The following ACMSD variants were observed in gnomAD, a reference collection of about 807,000 sequenced individuals.
ACMSD encodes the protein 2-amino-3-carboxymuconate-6-semialdehyde decarboxylase.
ACMSD carries 37 observed loss-of-function variants against 45.9 expected under a neutral mutation model. That is an observed-to-expected ratio of 0.81 (90% CI 0.62 to 1.06). The LOEUF is 1.06. Ranked by LOEUF, ACMSD falls within the 50% of genes least tolerant of loss-of-function variation. The pLI, the probability that ACMSD is intolerant of heterozygous loss-of-function variation, is 0.00. For missense variants in ACMSD, 434 were observed against 420.9 expected (o/e 1.03, Z -0.27); for synonymous variants, 138 against 148.8 (o/e 0.93, Z 0.53).
intron 5 of ACMSD, among the ~76,000 whole-genome samples, chr2:134,864,268 C>CA (rs370221460): frequency 0.25 from 29,292 of 117,684 alleles, 3,565 homozygotes; most frequent in Middle Eastern, 0.63. Flanking sequence ...GACTCCATCT[C>CA]AAAAAAAAAA....
chr2:134,842,183 A>G (rs1686835516), intron 1 of ACMSD, among the ~76,000 whole-genome samples: 1 of 152,138 alleles, frequency 6.6e-6, no homozygotes, highest in African/African-American at 2.4e-5. Flanking sequence ...ATATGCTCAG[A>G]CCAAAACCAC....
intron 2 of ACMSD, among the ~76,000 whole-genome samples, chr2:134,854,268 C>T (rs763862644): frequency 2.0e-5 from 3 of 152,180 alleles, no homozygotes; most frequent in Non-Finnish European, 4.4e-5. Flanking sequence ...ATGATTGAAT[C>T]TTCTTTATCA....
At chr2:134,845,888 C>T (rs553896727) in intron 2 of ACMSD, among the ~76,000 whole-genome samples, 55 of 152,242 alleles carry the variant, frequency 3.6e-4, no homozygotes, top group African/African-American at 1.3e-3. Flanking sequence ...ATGTCCTCTC[C>T]GAGTTCAGAG....
chr2:134,868,248 C>T (rs1461103191), intron 6 of ACMSD, among the ~76,000 whole-genome samples: 1 of 152,086 alleles, frequency 6.6e-6, no homozygotes, highest in African/African-American at 2.4e-5. Context: ...TCTCTTCTGC[C>T]CTTTGCCTCC....
intron 2 of ACMSD, among the ~76,000 whole-genome samples, chr2:134,847,397 CAGATAGATAGATAGATAGAT>C (rs1213803670): frequency 4.9e-5 from 4 of 81,460 alleles, no homozygotes; most frequent in Admixed American, 1.3e-4. Context: ...TTTGGGGATA[CAGATAGATAGATAGATAGAT>C]AGATAGATAG....
intron 1 of ACMSD, among the ~76,000 whole-genome samples, chr2:134,840,073 T>C (rs997272722): frequency 3.4e-5 from 5 of 146,604 alleles, no homozygotes; most frequent in African/African-American, 1.3e-4. Context: ...ATACAGGTAA[T>C]GGAAGCAATA....
intron 8 of ACMSD, among the ~76,000 whole-genome samples, chr2:134,896,779 T>G (rs1001308118): frequency 6.6e-6 from 1 of 152,174 alleles, no homozygotes; most frequent in Admixed American, 6.5e-5. Flanking sequence ...GCGCCAGCAC[T>G]TCCACTCTTA....
rs188943514 is a variant in ACMSD, at chr2:134,897,012, T to C, written c.850-1329T>C. 2.0e-3 allele frequency among the ~76,000 whole-genome samples: 294 copies of C among 146,454 alleles called. 2 individuals carry two copies. Among genetic ancestry groups the C allele is most frequent in the African/African-American group, 7.1e-3 (287 of 40,416 alleles). On this transcript the variant is annotated intron_variant, in intron 8 of 9. Transcript: ENST00000356140. ...TTATTTTGGAGGTGACAAAAATCTGTGGTTATATAAGATGAAAAAAATTTT... is the reference window on the plus strand; with the variant it reads ...TTATTTTGGAGGTGACAAAAATCTGCGGTTATATAAGATGAAAAAAATTTT...
intron 4 of ACMSD, chr2:134,862,890 T>G: frequency 1.1e-6 from 1 of 871,722 alleles, no homozygotes; most frequent in South Asian, 5.3e-5. Context: ...CTCAGCATTT[T>G]GCCAAGGACA....
chr2:134,840,270 C>T (rs1233005726), intron 1 of ACMSD, among the ~76,000 whole-genome samples: 1 of 147,624 alleles, frequency 6.8e-6, no homozygotes, highest in Admixed American at 7.0e-5. Flanking sequence ...TTGGAAACCA[C>T]CACGGTGGTC....
intron 2 of ACMSD, among the ~76,000 whole-genome samples, chr2:134,855,921 C>G (rs1687558958): frequency 6.6e-6 from 1 of 152,090 alleles, no homozygotes; most frequent in African/African-American, 2.4e-5. Context: ...AGGACTCCAC[C>G]AAGCAGAGCT....
chr2:134,856,382 G>A (rs957274827), intron 2 of ACMSD, among the ~76,000 whole-genome samples: 1 of 152,164 alleles, frequency 6.6e-6, no homozygotes, highest in Non-Finnish European at 1.5e-5. Flanking sequence ...CCACTGCCAT[G>A]TTCTGCACAA....
At chr2:134,852,683 C>T (rs1022051563) in intron 2 of ACMSD, among the ~76,000 whole-genome samples, 2 of 152,048 alleles carry the variant, frequency 1.3e-5, no homozygotes, top group African/African-American at 2.4e-5. Context: ...CCTTCAGAAC[C>T]TGGGAATGTG....
chr2:134,865,829 G>A (rs1243645676), intron 5 of ACMSD, among the ~76,000 whole-genome samples: 1 of 152,108 alleles, frequency 6.6e-6, no homozygotes, highest in East Asian at 1.9e-4. Flanking sequence ...TTGGTATAAG[G>A]CAGACTGAAT....
intron 8 of ACMSD, among the ~76,000 whole-genome samples, chr2:134,891,218 G>A (rs1689764739): frequency 6.6e-6 from 1 of 152,086 alleles, no homozygotes; most frequent in South Asian, 2.1e-4. Context: ...CTAGACCAAC[G>A]CCCAGGAGAG....
chr2:134,869,249 G>A (rs1402001979), intron 6 of ACMSD, among the ~76,000 whole-genome samples: 1 of 152,000 alleles, frequency 6.6e-6, no homozygotes, highest in Non-Finnish European at 1.5e-5. Flanking sequence ...GTCTCACTCT[G>A]TTGCCCAGGC....
In ACMSD at chr2:134,838,953, G is replaced by A. The variant is rs1025158229; in HGVS notation, c.57+214G>A. Among the ~76,000 whole-genome samples, 6 of 152,230 alleles carry A rather than the reference G, an allele frequency of 3.9e-5. 1 individual carries two copies. In the East Asian group the frequency reaches 5.8e-4, roughly 15 times the overall value. Reference sequence around the variant, plus strand: ...GATTAAAGAAATAAGTGCTTTCTCAGAAACCCTTTTTTCCCTCAAATGAAC... The same window carrying A: ...GATTAAAGAAATAAGTGCTTTCTCAAAAACCCTTTTTTCCCTCAAATGAAC... On this transcript the variant is annotated intron_variant, in intron 1 of 9. Coordinates refer to ENST00000356140, the MANE Select transcript of ACMSD (RefSeq NM_138326.3).
At chr2:134,890,604 T>A (rs1188727435) in intron 8 of ACMSD, among the ~76,000 whole-genome samples, 1 of 152,092 alleles carries the variant, frequency 6.6e-6, no homozygotes, top group Non-Finnish European at 1.5e-5. Context: ...TTGAGAAGTA[T>A]ACTGTGGTCA....
intron 8 of ACMSD, among the ~76,000 whole-genome samples, chr2:134,875,505 G>C (rs1024816126): frequency 6.6e-6 from 1 of 152,052 alleles, no homozygotes. Context: ...TATTTAAATG[G>C]CATAATCTCT....
Sources: allele counts gnomAD v4.1 joint callset (sites outside exome capture counted in the v4.1 genomes callset), GRCh38; gene constraint gnomAD v4.1.1; transcripts MANE v1.5; gene names NCBI Gene and HGNC (gene_info 2026-07-23, HGNC 2026-07-21).